HS6ST3: variants seen among roughly 807,000 people sequenced by gnomAD.
HS6ST3 encodes heparan-sulfate 6-O-sulfotransferase 3.
A neutral mutation model predicts 36.7 loss-of-function variants in HS6ST3; 12 were observed. That is an observed-to-expected ratio of 0.33 (90% CI 0.21 to 0.53). HS6ST3 has a LOEUF of 0.53. Ranked by LOEUF, HS6ST3 falls within the 20% of genes least tolerant of loss-of-function variation. HS6ST3 has a pLI of 0.95. For synonymous variants in HS6ST3, 240 were observed against 257.5 expected (o/e 0.93, Z 0.65); for missense variants, 584 against 640.9 (o/e 0.91, Z 0.96).
At chr13:96,179,200 CA>C (rs2054227123) in intron 1 of HS6ST3, among the ~76,000 whole-genome samples, 1 of 151,832 alleles carries the variant, frequency 6.6e-6, no homozygotes, top group African/African-American at 2.4e-5. Flanking sequence ...AAGGTACCTT[CA>C]AAAAAAGAAA....
chr13:96,362,912 T>G (rs1298293449), intron 1 of HS6ST3, among the ~76,000 whole-genome samples: 1 of 152,216 alleles, frequency 6.6e-6, no homozygotes, highest in Admixed American at 6.5e-5. Flanking sequence ...ATACTGTGAT[T>G]CCATTTGATT....
chr13:96,447,348 C>T (rs999423504), intron 1 of HS6ST3, among the ~76,000 whole-genome samples: 4 of 152,156 alleles, frequency 2.6e-5, no homozygotes, highest in African/African-American at 7.2e-5. Context: ...GTACCCCTCT[C>T]TCCAGATCTT....
intron 1 of HS6ST3, among the ~76,000 whole-genome samples, chr13:96,464,281 T>C (rs925701871): frequency 6.6e-6 from 1 of 152,020 alleles, no homozygotes. Flanking sequence ...TTGTTACATT[T>C]CTTCTCTGCT....
chr13:96,494,278 C>G (rs2055961559), intron 1 of HS6ST3, among the ~76,000 whole-genome samples: 1 of 151,156 alleles, frequency 6.6e-6, no homozygotes, highest in Non-Finnish European at 1.5e-5. Context: ...TCATTCTCAG[C>G]AAACTATCGC....
chr13:96,663,408 A>G (rs543265851), intron 1 of HS6ST3, among the ~76,000 whole-genome samples: 1 of 152,286 alleles, frequency 6.6e-6, no homozygotes, highest in Admixed American at 6.5e-5. Flanking sequence ...AAAGTACCAA[A>G]CATCATGAGT....
chr13:96,744,700 A>C (rs1194365010), intron 1 of HS6ST3, among the ~76,000 whole-genome samples: 1 of 152,082 alleles, frequency 6.6e-6, no homozygotes, highest in Non-Finnish European at 1.5e-5. Context: ...GCATAAGCAA[A>C]TGCACTGCAG....
At chr13:96,401,882 A>G (rs1303345533) in intron 1 of HS6ST3, among the ~76,000 whole-genome samples, 2 of 152,128 alleles carry the variant, frequency 1.3e-5, no homozygotes, top group Non-Finnish European at 2.9e-5. Flanking sequence ...CAGGATTGTT[A>G]TTTATCATTT....
intron 1 of HS6ST3, among the ~76,000 whole-genome samples, chr13:96,215,545 G>T (rs2054421283): frequency 6.6e-6 from 1 of 152,056 alleles, no homozygotes; most frequent in Non-Finnish European, 1.5e-5. Context: ...AGACTTAAGG[G>T]GAAGCCATAA....
At chr13:96,727,291 A>G (rs1193866795) in intron 1 of HS6ST3, among the ~76,000 whole-genome samples, 1 of 152,182 alleles carries the variant, frequency 6.6e-6, no homozygotes, top group African/African-American at 2.4e-5. Flanking sequence ...AAAGTTTCAT[A>G]GACATGAAAA....
At position 96,816,056 on chromosome 13, in the gene HS6ST3, G is replaced by A. The variant is rs187701094; in HGVS notation, c.708-16434G>A. On this transcript the variant is annotated intron_variant, in intron 1 of 1. Coordinates refer to ENST00000376705, the MANE Select transcript of HS6ST3 (RefSeq NM_153456.4). ...ACTAAATTTAAATCCCCAGATCGTG[G>A]CTGCAATGTTCTAACAAGGAAGGCC... is the stretch of plus-strand genomic sequence containing the variant. Among the ~76,000 whole-genome samples, 734 of 152,260 alleles carry A rather than the reference G, an allele frequency of 4.8e-3. 19 individuals are homozygous for A. The highest frequency in any genetic ancestry group is 0.038 in the South Asian group (185 of 4,822).
At chr13:96,805,977 G>C (rs1878189186) in intron 1 of HS6ST3, among the ~76,000 whole-genome samples, 1 of 152,162 alleles carries the variant, frequency 6.6e-6, no homozygotes, top group African/African-American at 2.4e-5. Context: ...GTATTTTAGG[G>C]TATCTGGAGG....
intron 1 of HS6ST3, among the ~76,000 whole-genome samples, chr13:96,747,936 A>G (rs982125833): frequency 6.6e-6 from 1 of 152,058 alleles, no homozygotes; most frequent in African/African-American, 2.4e-5. Context: ...TTTTATTGCA[A>G]GTGTCAGGAA....
chr13:96,249,366 G>C (rs2054597848), intron 1 of HS6ST3, among the ~76,000 whole-genome samples: 1 of 152,070 alleles, frequency 6.6e-6, no homozygotes, highest in South Asian at 2.1e-4. Context: ...ATTGACAGAA[G>C]ATAAGGTGTA....
intron 1 of HS6ST3, among the ~76,000 whole-genome samples, chr13:96,103,716 A>G (rs1342608547): frequency 1.3e-5 from 2 of 152,202 alleles, no homozygotes; most frequent in Non-Finnish European, 2.9e-5. Flanking sequence ...TGAAAATGCA[A>G]TGAATATGTA....
intron 1 of HS6ST3, among the ~76,000 whole-genome samples, chr13:96,148,403 A>G (rs1177114878): frequency 1.3e-5 from 2 of 152,206 alleles, no homozygotes; most frequent in East Asian, 1.9e-4. Flanking sequence ...TCAGGCAGAA[A>G]TACCTGTGAA....
At chr13:96,307,097 C>T (rs1026982438) in intron 1 of HS6ST3, among the ~76,000 whole-genome samples, 2 of 152,134 alleles carry the variant, frequency 1.3e-5, no homozygotes, top group African/African-American at 4.8e-5. Context: ...TGGTAGTGTG[C>T]CATTAAATTT....
At position 96,803,433 on chromosome 13, in the gene HS6ST3, A is replaced by G. The variant is rs1232850800; in HGVS notation, c.708-29057A>G. 1.3e-5 allele frequency among the ~76,000 whole-genome samples: 2 copies of G among 152,184 alleles called. 1 individual carries two copies. The highest frequency in any genetic ancestry group is 1.3e-4 in the Admixed American group (2 of 15,276). Reference sequence around the variant, plus strand: ...AGCAACATTTGCAGCTAATGGGCCCATATTCCTAACTTACTACCAGGAAGG... The same window carrying G: ...AGCAACATTTGCAGCTAATGGGCCCGTATTCCTAACTTACTACCAGGAAGG... On this transcript the variant is annotated intron_variant, in intron 1 of 1. Coordinates refer to ENST00000376705, the MANE Select transcript of HS6ST3 (RefSeq NM_153456.4).
chr13:96,309,995 T>A (rs2054932351), intron 1 of HS6ST3, among the ~76,000 whole-genome samples: 2 of 152,134 alleles, frequency 1.3e-5, no homozygotes, highest in African/African-American at 2.4e-5. Flanking sequence ...ATGCATAGAA[T>A]AAAGACAAGA....
chr13:96,270,456 A>G (rs1379393501), intron 1 of HS6ST3, among the ~76,000 whole-genome samples: 1 of 151,972 alleles, frequency 6.6e-6, no homozygotes, highest in African/African-American at 2.4e-5. Context: ...TACACATTCA[A>G]TTGTCTCTTT....
Sources: gnomAD v4.1 joint callset for allele counts (sites outside exome capture counted in the v4.1 genomes callset) on GRCh38, gnomAD v4.1.1 for gene constraint, MANE v1.5 for transcripts, NCBI Gene and HGNC (gene_info 2026-07-23, HGNC 2026-07-21) for gene names.